Variants in PSD3 observed in about 807,000 individuals in gnomAD.
The protein encoded by PSD3 is PH and SEC7 domain-containing protein 3.
PSD3 carries 49 observed loss-of-function variants against 105.5 expected under a neutral mutation model. The ratio of observed to expected loss-of-function variants is 0.46; its 90% CI spans 0.37 to 0.59. The LOEUF (loss-of-function observed/expected upper bound fraction) is 0.59, where lower values mean the gene tolerates loss of function less well. Ranked by LOEUF, PSD3 falls within the 20% of genes least tolerant of loss-of-function variation. The pLI is 0.00. For missense variants in PSD3, 1,561 were observed against 1,263.8 expected, an observed-to-expected ratio of 1.24 and a Z score of -3.57; for synonymous variants, 557 against 457.8, an observed-to-expected ratio of 1.22 and a Z score of -2.77.
At chr8:18,667,656 C>T (rs1411965437) in intron 9 of PSD3, among the ~76,000 whole-genome samples, 3 of 152,226 alleles carry the variant, frequency 2.0e-5, no homozygotes, top group Non-Finnish European at 2.9e-5. Context: ...GCAGAGCTGC[C>T]CGCCAGTCCC....
chr8:18,750,509 C>T (rs1805388029), intron 9 of PSD3, among the ~76,000 whole-genome samples: 1 of 152,040 alleles, frequency 6.6e-6, no homozygotes, highest in Non-Finnish European at 1.5e-5. Flanking sequence ...AGCGTGGACC[C>T]AAAGAGTGAG....
rs118055033 is a variant in PSD3 at position 18,779,835 on chromosome 8, T to C, written c.2083-14297A>G. 4.7e-3 allele frequency among the ~76,000 whole-genome samples: 719 copies of C among 152,332 alleles called. 22 individuals are homozygous for C. Among genetic ancestry groups the C allele is most frequent in the Admixed American group, 0.035 (533 of 15,302 alleles). ...ATTTTTTTAATCGTTGAGACTACTTTTGTTGTATAACAAATAGTCTAGCCT... is the reference window on the plus strand; with the variant it reads ...ATTTTTTTAATCGTTGAGACTACTTCTGTTGTATAACAAATAGTCTAGCCT... On this transcript the variant is annotated intron_variant, in intron 8 of 15. Coordinates refer to ENST00000327040, the MANE Select transcript of PSD3 (RefSeq NM_015310.4).
intron 9 of PSD3, among the ~76,000 whole-genome samples, chr8:18,694,142 TG>T (rs1801132666): frequency 6.6e-6 from 1 of 152,214 alleles, no homozygotes; most frequent in Non-Finnish European, 1.5e-5. Flanking sequence ...TACTCAAGCC[TG>T]AGGCACCACA....
At chr8:18,759,313 G>A (rs865890077) in intron 9 of PSD3, among the ~76,000 whole-genome samples, 32 of 152,136 alleles carry the variant, frequency 2.1e-4, no homozygotes, top group African/African-American at 7.0e-4. Context: ...ATTTCCCTAC[G>A]TTTTTAAATG....
At chr8:18,546,865 A>G (rs1449276732) in intron 15 of PSD3, among the ~76,000 whole-genome samples, 1 of 152,084 alleles carries the variant, frequency 6.6e-6, no homozygotes, top group Non-Finnish European at 1.5e-5. Context: ...TAGATTCCAC[A>G]TATAAGTTGC....
At chr8:18,648,761 G>A (rs573133061) in intron 10 of PSD3, among the ~76,000 whole-genome samples, 6 of 152,340 alleles carry the variant, frequency 3.9e-5, no homozygotes, top group African/African-American at 1.4e-4. Flanking sequence ...TGGTTTCATA[G>A]GCCAGTCCCC....
intron 2 of PSD3, among the ~76,000 whole-genome samples, chr8:18,933,706 G>A (rs1335761472): frequency 2.0e-5 from 3 of 152,192 alleles, no homozygotes; most frequent in Non-Finnish European, 4.4e-5. Flanking sequence ...GACCTCTGGT[G>A]ATCCATCCGC....
At chr8:18,614,116 T>A (rs1343186778) in intron 11 of PSD3, among the ~76,000 whole-genome samples, 1 of 152,224 alleles carries the variant, frequency 6.6e-6, no homozygotes, top group Non-Finnish European at 1.5e-5. Flanking sequence ...TTAGTTGACA[T>A]GCCTCATCCT....
At chr8:18,789,521 T>C (rs750249036) in intron 8 of PSD3, among the ~76,000 whole-genome samples, 2 of 152,302 alleles carry the variant, frequency 1.3e-5, no homozygotes, top group South Asian at 4.1e-4. Context: ...AATATTAATA[T>C]GTAAACAAAA....
At chr8:18,609,930 C>G (rs1230367022) in intron 11 of PSD3, among the ~76,000 whole-genome samples, 1 of 152,240 alleles carries the variant, frequency 6.6e-6, no homozygotes, top group Non-Finnish European at 1.5e-5. Flanking sequence ...AAATTTACCA[C>G]TGGGCTATGA....
chr8:18,741,795 T>TAA (rs3042866), intron 9 of PSD3, among the ~76,000 whole-genome samples: 8 of 79,686 alleles, frequency 1.0e-4, no homozygotes, highest in South Asian at 4.9e-4. Context: ...AATTTTATTG[T>TAA]AAAAAAAAAA....
chr8:18,605,635 G>A (rs1335471345), intron 11 of PSD3, among the ~76,000 whole-genome samples: 1 of 152,146 alleles, frequency 6.6e-6, no homozygotes, highest in Non-Finnish European at 1.5e-5. Flanking sequence ...GGGGCCTGGG[G>A]CGGAATGATA....
At chr8:18,781,910 A>T (rs149276760) in intron 8 of PSD3, among the ~76,000 whole-genome samples, 2 of 152,184 alleles carry the variant, frequency 1.3e-5, no homozygotes, top group Admixed American at 1.3e-4. Flanking sequence ...TTATCTGCTC[A>T]GGTTATTTCA....
At chr8:18,787,805 T>A (rs539259114) in intron 8 of PSD3, among the ~76,000 whole-genome samples, 18 of 152,364 alleles carry the variant, frequency 1.2e-4, no homozygotes, top group African/African-American at 4.3e-4. Flanking sequence ...GAAGAACTTA[T>A]CCTCAATATG....
chr8:19,022,207 C>T (rs4463468), intron 1 of PSD3, among the ~76,000 whole-genome samples: 17,044 of 152,150 alleles, frequency 0.11, 1,195 homozygotes, highest in African/African-American at 0.19. Flanking sequence ...GGATCTGTCC[C>T]CATGATTCAA....
Position 19,013,598 on chromosome 8 carries a change from C to G in PSD3, c.-15G>C, listed in dbSNP as rs1827058566. 1.4e-6 allele frequency: 2 copies of G among 1,469,944 alleles called. No individual in the cohort carries two copies. The highest frequency in any genetic ancestry group is 1.8e-6 in the Non-Finnish European group (2 of 1,117,186). 91.1% of individuals were successfully genotyped at this position (1,469,944 alleles called of 1,614,324 possible). A position where few individuals can be genotyped will look rare whatever the true frequency, so the allele number is the denominator to read the frequency against. On this transcript the variant is annotated 5_prime_UTR_variant, in exon 1 of 16. Transcript: ENST00000327040. The stretch of plus-strand genomic sequence containing the variant: ...CTTCCTTCCATCTTCCATCGCCAGC[C>G]CGGCCGCGCGCCGAAACCGCCGCCG...
At chr8:18,705,935 A>G (rs936354100) in intron 9 of PSD3, among the ~76,000 whole-genome samples, 14 of 152,152 alleles carry the variant, frequency 9.2e-5, no homozygotes, top group African/African-American at 3.4e-4. Flanking sequence ...TGCATATCCT[A>G]CTCCCAAGGT....
intron 15 of PSD3, among the ~76,000 whole-genome samples, chr8:18,542,155 G>A (rs1388371443): frequency 6.6e-6 from 1 of 152,190 alleles, no homozygotes; most frequent in Non-Finnish European, 1.5e-5. Context: ...GGACTCCAGT[G>A]AGTCCTCATT....
chr8:18,575,865 G>A (rs564443879), intron 12 of PSD3, among the ~76,000 whole-genome samples: 5 of 151,702 alleles, frequency 3.3e-5, no homozygotes, highest in Admixed American at 2.6e-4. Flanking sequence ...TCAATAATCA[G>A]GTGAAAGCTT....
Sources: allele counts gnomAD v4.1 joint callset (sites outside exome capture counted in the v4.1 genomes callset), GRCh38; gene constraint gnomAD v4.1.1; transcripts MANE v1.5; gene names NCBI Gene and HGNC (gene_info 2026-07-23, HGNC 2026-07-21).